Variants in TPRG1 observed in about 807,000 individuals in gnomAD.
TPRG1 encodes tumor protein p63-regulated gene 1 protein.
TPRG1 carries 29 observed loss-of-function variants against 29.3 expected under a neutral mutation model. That is an observed-to-expected ratio of 0.99 (90% confidence interval 0.74 to 1.35). The LOEUF (loss-of-function observed/expected upper bound fraction) is 1.35. Ranked by LOEUF, TPRG1 falls within the 40% of genes most tolerant of loss-of-function variation. The pLI is 0.00. For synonymous variants in TPRG1, 130 were observed against 116.8 expected (o/e 1.11, Z -0.73); for missense variants, 327 against 335.0 (o/e 0.98, Z 0.19).
chr3:189,149,146 G>A (rs542733565), intron 4 of TPRG1, among the ~76,000 whole-genome samples: 10 of 151,894 alleles, frequency 6.6e-5, no homozygotes, highest in Admixed American at 2.0e-4. Context: ...ATAAATTAAC[G>A]TTCCCAAACA....
In TPRG1 at chr3:189,323,920, C is replaced by G. The variant is rs1724516650; in HGVS notation, c.*3100C>G. The G allele has an allele frequency of 6.6e-6, 1 of 152,140 alleles. No individual in the cohort carries two copies. The highest frequency in any genetic ancestry group is 2.4e-5 in the African/African-American group (1 of 41,426). The allele number at this position is 152,140 out of a possible 1,614,324, so 9.4% of individuals were successfully genotyped here. A position where few individuals can be genotyped will look rare whatever the true frequency, so the allele number is the denominator to read the frequency against. ...GAAACTGCTTGAACAGCTCCACTGACAAATGCCTCACTATCTTCTGATACA... is the reference window on the plus strand; with the variant it reads ...GAAACTGCTTGAACAGCTCCACTGAGAAATGCCTCACTATCTTCTGATACA... On this transcript the variant is annotated 3_prime_UTR_variant, in exon 6 of 6. Coordinates refer to ENST00000345063, the MANE Select transcript of TPRG1 (RefSeq NM_198485.4).
intron 5 of TPRG1, among the ~76,000 whole-genome samples, chr3:189,160,786 A>G: frequency 6.6e-6 from 1 of 152,252 alleles, no homozygotes; most frequent in Admixed American, 6.5e-5. Context: ...ATGAAAATTT[A>G]GATCATCACA....
chr3:189,047,915 C>A (rs966766480), intron 4 of TPRG1, among the ~76,000 whole-genome samples: 1 of 152,176 alleles, frequency 6.6e-6, no homozygotes, highest in Admixed American at 6.5e-5. Context: ...TTTCTCCAGT[C>A]AAGTCTGGAA....
At chr3:189,144,308 A>G (rs1430468451) in intron 3 of TPRG1, among the ~76,000 whole-genome samples, 1 of 152,172 alleles carries the variant, frequency 6.6e-6, no homozygotes, top group Non-Finnish European at 1.5e-5. Flanking sequence ...CTTATAGGCA[A>G]CCATTTGTTC....
At chr3:189,208,009 ACT>A (rs1334464802) in intron 2 of TPRG1, among the ~76,000 whole-genome samples, 2 of 152,078 alleles carry the variant, frequency 1.3e-5, no homozygotes, top group African/African-American at 2.4e-5. Context: ...GATCGCACTG[ACT>A]CTCTAAAGTT....
chr3:189,315,640 G>A, intron 5 of TPRG1: 1 of 353,588 alleles, frequency 2.8e-6, no homozygotes, highest in African/African-American at 2.2e-5. Context: ...CTTTTCAAGG[G>A]GATCATGTAA....
chr3:189,101,655 C>T (rs1180420594), intron 1 of TPRG1, among the ~76,000 whole-genome samples: 3 of 152,122 alleles, frequency 2.0e-5, no homozygotes, highest in Non-Finnish European at 4.4e-5. Flanking sequence ...TTTCTAACCA[C>T]AAGCCTTGAT....
intron 1 of TPRG1, among the ~76,000 whole-genome samples, chr3:189,178,942 C>G (rs1729854454): frequency 6.6e-6 from 1 of 152,186 alleles, no homozygotes; most frequent in Admixed American, 6.5e-5. Context: ...AACTCAGTGT[C>G]TGCATCAGTG....
chr3:189,127,247 G>A (rs912567472), intron 2 of TPRG1: 14 of 152,140 alleles, frequency 9.2e-5, no homozygotes, highest in African/African-American at 3.4e-4. Context: ...CAACCAAAAA[G>A]GAAAATTATG....
chr3:189,165,830 C>A (rs576755892), intron 5 of TPRG1, among the ~76,000 whole-genome samples: 1 of 152,262 alleles, frequency 6.6e-6, no homozygotes, highest in South Asian at 2.1e-4. Flanking sequence ...AAACTGCTCA[C>A]CGTGTGATTC....
At chr3:189,139,803 A>G (rs920137576) in intron 3 of TPRG1, among the ~76,000 whole-genome samples, 4 of 152,106 alleles carry the variant, frequency 2.6e-5, no homozygotes, top group African/African-American at 9.7e-5. Flanking sequence ...GCTTCTGTTA[A>G]CATGGAAATG....
chr3:189,166,074 C>T (rs1402426418), intron 5 of TPRG1, among the ~76,000 whole-genome samples: 1 of 152,216 alleles, frequency 6.6e-6, no homozygotes, highest in Non-Finnish European at 1.5e-5. Context: ...GAAAATTAAA[C>T]ATAAACTTCT....
At chr3:189,028,884 C>T (rs975279693) in intron 4 of TPRG1, among the ~76,000 whole-genome samples, 2 of 152,048 alleles carry the variant, frequency 1.3e-5, no homozygotes, top group Non-Finnish European at 2.9e-5. Flanking sequence ...TGTATGACTA[C>T]AGAGCAGATT....
intron 4 of TPRG1, among the ~76,000 whole-genome samples, chr3:189,272,713 C>CTCCTTCCTTCCT (rs59828840): frequency 0.015 from 1,934 of 132,492 alleles, 39 homozygotes; most frequent in Middle Eastern, 0.022. Flanking sequence ...TTCTTTCTTT[C>CTCCTTCCTTCCT]TCCTTCCTTC....
chr3:189,008,456 G>A (rs577843077), intron 3 of TPRG1, among the ~76,000 whole-genome samples: 38 of 152,242 alleles, frequency 2.5e-4, no homozygotes, highest in Admixed American at 7.2e-4. Context: ...CCAATGTGCC[G>A]CTAAAGTTGC....
At chr3:189,105,963 T>C (rs754995451) in intron 1 of TPRG1, among the ~76,000 whole-genome samples, 1 of 152,156 alleles carries the variant, frequency 6.6e-6, no homozygotes, top group South Asian at 2.1e-4. Flanking sequence ...ACCTAGGCGA[T>C]GGGTTGACAG....
intron 2 of TPRG1, among the ~76,000 whole-genome samples, chr3:189,209,015 C>A (rs981497530): frequency 2.0e-5 from 3 of 152,162 alleles, no homozygotes; most frequent in Non-Finnish European, 4.4e-5. Context: ...ATTGCATGGA[C>A]AAACTGGAAT....
At chr3:189,295,318 G>T (rs1719712586) in intron 4 of TPRG1, among the ~76,000 whole-genome samples, 1 of 152,014 alleles carries the variant, frequency 6.6e-6, no homozygotes, top group Non-Finnish European at 1.5e-5. Context: ...CAATGCCAAG[G>T]CTGTGTTGTG....
At chr3:189,174,516 G>A (rs778902562) in intron 1 of TPRG1, among the ~76,000 whole-genome samples, 1 of 152,100 alleles carries the variant, frequency 6.6e-6, no homozygotes, top group Non-Finnish European at 1.5e-5. Context: ...CAATCTCTTA[G>A]GTATTAGGAT....
Sources: gnomAD v4.1 joint callset for allele counts (sites outside exome capture counted in the v4.1 genomes callset) on GRCh38, gnomAD v4.1.1 for gene constraint, MANE v1.5 for transcripts, NCBI Gene and HGNC (gene_info 2026-07-23, HGNC 2026-07-21) for gene names.